DLGAP2: variants seen among roughly 807,000 people sequenced by gnomAD.
DLGAP2 encodes the protein disks large-associated protein 2.
Under a neutral mutation model 100.3 loss-of-function variants are expected in DLGAP2, and 26 were observed. The ratio of observed to expected loss-of-function variants is 0.26; its 90% confidence interval spans 0.19 to 0.36. DLGAP2 has a LOEUF of 0.36. Among genes scored for constraint, DLGAP2 ranks in the 10% least tolerant of loss-of-function variants. The probability of loss-of-function intolerance (pLI) is 1.00; values close to 1 mark genes in which losing one functional copy is unlikely to be tolerated. For synonymous variants in DLGAP2, 886 were observed against 630.1 expected, an observed-to-expected ratio of 1.41 and a Z score of -6.08; for missense variants, 1,858 against 1,453.2, an observed-to-expected ratio of 1.28 and a Z score of -4.53.
chr8:1,523,509 T>C lies in DLGAP2; in HGVS notation c.172+22078T>C, dbSNP rs144357404. Among the ~76,000 whole-genome samples, 323 of 152,224 alleles carry C rather than the reference T, an allele frequency of 2.1e-3. 1 individual carries two copies. The highest frequency in any genetic ancestry group is 4.1e-3 in the South Asian group (20 of 4,828). ...CGGATGGGGCTGTGGAGCTGTGCCT[T>C]AGACGGGGGGGAAGGACTCCCTGCC... On this transcript the variant is annotated intron_variant, in intron 4 of 14. Coordinates refer to ENST00000637795, the MANE Select transcript of DLGAP2 (RefSeq NM_001346810.2).
rs139212710 is a variant in DLGAP2, at chr8:1,079,103, T to G, written c.73+171137T>G. On this transcript the variant is annotated intron_variant, in intron 2 of 14. Transcript: ENST00000637795. ...TCTAGCTTGTGGTCATCTGAGCAGG[T>G]GTGTGATGGTGTCTTCTTGATTTAT... Among the ~76,000 whole-genome samples the G allele has an allele frequency of 7.4e-3, 1,127 of 152,286 alleles. 9 individuals are homozygous for G. Among genetic ancestry groups the G allele is most frequent in the African/African-American group, 0.026 (1,082 of 41,558 alleles).
chr8:1,134,251 T>A (rs1796356735), intron 2 of DLGAP2, among the ~76,000 whole-genome samples: 1 of 152,226 alleles, frequency 6.6e-6, no homozygotes, highest in Non-Finnish European at 1.5e-5. Flanking sequence ...TGATGGCATT[T>A]AGGTTGATTC....
intron 2 of DLGAP2, among the ~76,000 whole-genome samples, chr8:922,742 T>G (rs1300996278): frequency 6.6e-6 from 1 of 152,222 alleles, no homozygotes; most frequent in African/African-American, 2.4e-5. Context: ...AAAGCTTTGC[T>G]TATTTAGCAG....
chr8:1,053,471 A>C (rs1026651386), intron 2 of DLGAP2, among the ~76,000 whole-genome samples: 1 of 152,114 alleles, frequency 6.6e-6, no homozygotes, highest in African/African-American at 2.4e-5. Flanking sequence ...CAGCTCCGTC[A>C]TCCCAGTCAG....
At chr8:1,290,611 A>T (rs1358543285) in intron 3 of DLGAP2, among the ~76,000 whole-genome samples, 1 of 152,236 alleles carries the variant, frequency 6.6e-6, no homozygotes, top group Non-Finnish European at 1.5e-5. Context: ...GACACCAGAA[A>T]GACCAGAAAG....
intron 6 of DLGAP2, among the ~76,000 whole-genome samples, chr8:1,594,070 C>T (rs1282657502): frequency 6.6e-6 from 1 of 152,154 alleles, no homozygotes; most frequent in East Asian, 1.9e-4. Context: ...CAGGCGAAAA[C>T]CACAGCTACC....
intron 2 of DLGAP2, among the ~76,000 whole-genome samples, chr8:1,203,904 A>G (rs1797935615): frequency 7.1e-6 from 1 of 140,336 alleles, no homozygotes; most frequent in African/African-American, 2.9e-5. Flanking sequence ...ATCAGGACTC[A>G]GCCTGACCAC....
chr8:972,821 C>G (rs374233260), intron 2 of DLGAP2, among the ~76,000 whole-genome samples: 6 of 152,270 alleles, frequency 3.9e-5, no homozygotes, highest in East Asian at 3.9e-4. Flanking sequence ...GGTGATGACT[C>G]TTAACGAGCA....
chr8:749,098 C>T (rs1257556308), intron 1 of DLGAP2, among the ~76,000 whole-genome samples: 2 of 152,166 alleles, frequency 1.3e-5, no homozygotes, highest in Non-Finnish European at 1.5e-5. Context: ...TTTCTGGGCT[C>T]AGGTGATATT....
At chr8:1,385,546 G>A (rs1448385768) in intron 3 of DLGAP2, among the ~76,000 whole-genome samples, 1 of 38,038 alleles carries the variant, frequency 2.6e-5, no homozygotes, top group African/African-American at 1.1e-4. Context: ...TACCCGGCCT[G>A]TGCCCGTCCC....
intron 2 of DLGAP2, among the ~76,000 whole-genome samples, chr8:1,176,686 C>A (rs1319349820): frequency 6.6e-5 from 10 of 152,142 alleles, no homozygotes; most frequent in Non-Finnish European, 1.3e-4. Context: ...ACCAGGGAGG[C>A]AGCCCAGGGC....
intron 1 of DLGAP2, among the ~76,000 whole-genome samples, chr8:770,448 GAA>G (rs1821327624): frequency 6.6e-6 from 1 of 152,124 alleles, no homozygotes; most frequent in East Asian, 1.9e-4. Context: ...TTTTCTTATA[GAA>G]ATTGAATTTT....
At chr8:1,651,297 G>A (rs1346266437) in intron 8 of DLGAP2, among the ~76,000 whole-genome samples, 1 of 152,160 alleles carries the variant, frequency 6.6e-6, no homozygotes, top group African/African-American at 2.4e-5. Context: ...TTCACAGGGT[G>A]CCCTGAGCCC....
chr8:845,339 T>C (rs776190460), intron 1 of DLGAP2, among the ~76,000 whole-genome samples: 3 of 152,298 alleles, frequency 2.0e-5, no homozygotes, highest in Non-Finnish European at 4.4e-5. Flanking sequence ...CCATCCTAAG[T>C]GGTGTGAAGG....
chr8:953,771 T>A, intron 2 of DLGAP2, among the ~76,000 whole-genome samples: 1 of 152,174 alleles, frequency 6.6e-6, no homozygotes, highest in East Asian at 1.9e-4. Context: ...ACAGTGAAAT[T>A]GAGTGCTTCC....
intron 2 of DLGAP2, among the ~76,000 whole-genome samples, chr8:994,984 G>A (rs1446497893): frequency 6.6e-6 from 1 of 152,146 alleles, no homozygotes; most frequent in African/African-American, 2.4e-5. Flanking sequence ...CCTGAAATAG[G>A]TATTCTTCAA....
At chr8:936,728 G>C (rs1799081078) in intron 2 of DLGAP2, among the ~76,000 whole-genome samples, 1 of 152,148 alleles carries the variant, frequency 6.6e-6, no homozygotes, top group Non-Finnish European at 1.5e-5. Context: ...TGGGCACTTA[G>C]GGTACAGCAT....
At chr8:926,697 G>T (rs918591176) in intron 2 of DLGAP2, among the ~76,000 whole-genome samples, 1 of 152,230 alleles carries the variant, frequency 6.6e-6, no homozygotes, top group African/African-American at 2.4e-5. Context: ...GTGGGTGGCC[G>T]CCGAGGGGCT....
At chr8:1,414,600 G>A (rs1447267439) in intron 3 of DLGAP2, among the ~76,000 whole-genome samples, 1 of 152,198 alleles carries the variant, frequency 6.6e-6, no homozygotes, top group East Asian at 1.9e-4. Flanking sequence ...GGCTGGGAGG[G>A]ACTGAGCGGA....
Sources: allele counts gnomAD v4.1 joint callset (sites outside exome capture counted in the v4.1 genomes callset), GRCh38; gene constraint gnomAD v4.1.1; transcripts MANE v1.5; gene names NCBI Gene and HGNC (gene_info 2026-07-23, HGNC 2026-07-21).